MORN1: variants seen among roughly 807,000 people sequenced by gnomAD.
The protein encoded by MORN1 is MORN repeat-containing protein 1.
In MORN1, 67 loss-of-function variants were observed where a neutral mutation model predicts 61.9. That is an observed-to-expected ratio of 1.08 (90% CI 0.89 to 1.33). The LOEUF is 1.33. MORN1 is among the 40% of genes most tolerant of loss of function. The pLI, the probability that MORN1 is intolerant of heterozygous loss-of-function variation, is 0.00. For synonymous variants in MORN1, 301 were observed against 292.0 expected (o/e 1.03, Z -0.31); for missense variants, 752 against 691.2 (o/e 1.09, Z -0.99).
At chr1:2,385,949 G>T in intron 4 of MORN1, 52 bp from the exon 5 acceptor site, 1 of 1,515,354 alleles carries the variant, frequency 6.6e-7, no homozygotes, top group Non-Finnish European at 9.2e-7. Context: ...TCCTGCATCT[G>T]AGAAGGGATC....
At chr1:2,358,334 G>C (rs957360198) in intron 9 of MORN1, among the ~76,000 whole-genome samples, 10 of 152,296 alleles carry the variant, frequency 6.6e-5, no homozygotes, top group Non-Finnish European at 1.2e-4. Flanking sequence ...CAGGCCCAGA[G>C]GCTTGGGGGC....
rs537528093 is a variant in MORN1, at chr1:2,337,291, G to A, written c.1037-441C>T. Among the ~76,000 whole-genome samples, 2 of 152,202 alleles carry A rather than the reference G, an allele frequency of 1.3e-5. No homozygotes were observed. Among genetic ancestry groups the A allele is most frequent in the Non-Finnish European group, 2.9e-5 (2 of 68,024 alleles). ...AGGAGGAAGATGGTTCTGCCCCAGC[G>A]GCCCATCAAGATGGACCTGGCGTCA... is the stretch of plus-strand genomic sequence containing the variant. On this transcript the variant is annotated intron_variant, in intron 10 of 13. Transcript: ENST00000378531. This position sits in a 1 kb window ranked among gnomAD's most constrained non-coding sequence, Gnocchi z 5.7.
chr1:2,332,686 C>T (rs1253933391), intron 12 of MORN1: 3 of 456,472 alleles, frequency 6.6e-6, no homozygotes, highest in Non-Finnish European at 1.3e-5. Context: ...GTCCACACTG[C>T]AGAATCTCGT....
In MORN1 at chr1:2,385,010, C is replaced by T. The variant is rs368072276; in HGVS notation, c.505G>A (p.Val169Met). 4 of 1,596,650 alleles carry T rather than the reference C, an allele frequency of 2.5e-6. No individual in the cohort carries two copies. Among genetic ancestry groups the T allele is most frequent in the Non-Finnish European group, 3.4e-6 (4 of 1,173,334 alleles). ...WVRDRRQGHG[V>M]LRCADGSTYK... ...GTGGAGCCGTCGGCGCAGCGCAGCA[C>T]CCCGTGTCCCTGACGCCGGTCCCGG... The change falls in exon 6 of 14, where the codon GTG (valine) becomes ATG (methionine). Residue 169 changes from valine (V) to methionine (M), a missense_variant. Val to Met is a conservative substitution (Grantham distance 21, BLOSUM62 1). Transcript: ENST00000378531.
rs137900348 is a variant in MORN1 at position 2,337,242 on chromosome 1, G to A, written c.1037-392C>T. 7.6e-4 allele frequency among the ~76,000 whole-genome samples: 116 copies of A among 152,330 alleles called. No individual in the cohort carries two copies. Among genetic ancestry groups the A allele is most frequent in the Non-Finnish European group, 1.1e-3 (78 of 68,020 alleles). On this transcript the variant is annotated intron_variant, in intron 10 of 13. Coordinates refer to ENST00000378531, the MANE Select transcript of MORN1 (RefSeq NM_024848.3). The surrounding 1 kb of genome is among the most constrained non-coding windows in gnomAD (Gnocchi z 5.7). The stretch of plus-strand genomic sequence containing the variant: ...GGCTGGCGCTCAACAGTACAGCTGT[G>A]TGCCCTCCTCGGAGCGCAGCATGAG...
chr1:2,322,285 C>A, intron 13 of MORN1: 1 of 985,492 alleles, frequency 1.0e-6, no homozygotes, highest in Non-Finnish European at 1.2e-6. Context: ...CTGAGCCTGC[C>A]GGGGCTGGCA....
chr1:2,348,815 G>A (rs533136903), intron 10 of MORN1, among the ~76,000 whole-genome samples: 10 of 149,208 alleles, frequency 6.7e-5, no homozygotes, highest in African/African-American at 2.0e-4. Context: ...GCGCGGGCAC[G>A]CACACACACG....
intron 1 of MORN1, among the ~76,000 whole-genome samples, chr1:2,391,007 A>G (rs1642643261): frequency 6.6e-6 from 1 of 152,106 alleles, no homozygotes; most frequent in African/African-American, 2.4e-5. Flanking sequence ...CGGCCTCCCA[A>G]AGTGCTGGAA....
chr1:2,388,511 T>C, intron 2 of MORN1, 174 bp from the exon 3 acceptor site: 1 of 578,384 alleles, frequency 1.7e-6, no homozygotes, highest in East Asian at 3.0e-5. Flanking sequence ...CTCAAAAATA[T>C]CTGCCGAAAC....
chr1:2,324,848 C>T (rs968714757), intron 12 of MORN1, among the ~76,000 whole-genome samples: 7 of 152,050 alleles, frequency 4.6e-5, no homozygotes, highest in Non-Finnish European at 1.0e-4. Flanking sequence ...CTGGACAGCG[C>T]CTCGGGGCAC....
intron 10 of MORN1, among the ~76,000 whole-genome samples, chr1:2,342,874 T>TTA (rs1239647447): frequency 8.6e-5 from 10 of 116,666 alleles, no homozygotes; most frequent in Admixed American, 3.6e-4. Flanking sequence ...TTTATTTATT[T>TTA]TATTTTATTT....
intron 10 of MORN1, chr1:2,350,975 A>G (rs959845167): frequency 6.6e-6 from 1 of 152,326 alleles, no homozygotes; most frequent in Non-Finnish European, 1.5e-5. Context: ...TGTGCCCCAA[A>G]GCCCAAAGGG....
chr1:2,358,783 G>A (rs1569988876), intron 8 of MORN1, 68 bp from the exon 9 acceptor site: 7 of 1,542,082 alleles, frequency 4.5e-6, no homozygotes, highest in East Asian at 2.4e-5. Context: ...CGGGCCCGGG[G>A]CAGGCTTCTG....
chr1:2,385,782 C>A, intron 5 of MORN1, 25 bp downstream of exon 5: 2 of 1,603,128 alleles, frequency 1.2e-6, no homozygotes, highest in Non-Finnish European at 1.7e-6. Context: ...ATGCGCCAGG[C>A]AGTACCCACA....
chr1:2,323,140 G>A (rs1640921373), intron 13 of MORN1: 5 of 985,450 alleles, frequency 5.1e-6, no homozygotes, highest in Non-Finnish European at 6.0e-6. Flanking sequence ...GGGATGGCTG[G>A]GACGCGGTGG....
At chr1:2,322,085 C>T in intron 13 of MORN1, 3 of 985,468 alleles carry the variant, frequency 3.0e-6, no homozygotes, top group Non-Finnish European at 3.6e-6. Flanking sequence ...CTTCCCCACA[C>T]CCGCGCTGGG....
chr1:2,346,276 C>G (rs34934928), intron 10 of MORN1, among the ~76,000 whole-genome samples: 22 of 152,234 alleles, frequency 1.4e-4, no homozygotes, highest in African/African-American at 5.1e-4. Context: ...GGAAAGGCCC[C>G]GGAAGGTTCC....
chr1:2,322,279 G>A (rs1484862640), intron 13 of MORN1: 1 of 985,440 alleles, frequency 1.0e-6, no homozygotes, highest in Non-Finnish European at 1.2e-6. Flanking sequence ...CCTCCCCTGA[G>A]CCTGCCGGGG....
intron 1 of MORN1, chr1:2,390,327 G>A: frequency 1.3e-6 from 1 of 790,484 alleles, no homozygotes; most frequent in Non-Finnish European, 1.5e-6. Context: ...TGGGAGCCTT[G>A]TTGCAGGAGA....
Sources: gnomAD v4.1 joint callset for allele counts (sites outside exome capture counted in the v4.1 genomes callset) on GRCh38, gnomAD v4.1.1 for gene constraint, Gnocchi (gnomAD v3.1) non-coding constraint, MANE v1.5 for transcripts, NCBI Gene and HGNC (gene_info 2026-07-23, HGNC 2026-07-21) for gene names.